Variants in WWOX observed in about 807,000 individuals in gnomAD.
WWOX encodes the protein WW domain-containing oxidoreductase.
A neutral mutation model predicts 46.2 loss-of-function variants in WWOX; 69 were observed. The observed-to-expected ratio is 1.49, with a 90% confidence interval of 1.23 to 1.82. The LOEUF is 1.82. Among genes scored for constraint, WWOX ranks in the 40% most tolerant of loss-of-function variants. The probability of loss-of-function intolerance (pLI) is 0.00; values close to 1 mark genes in which losing one functional copy is unlikely to be tolerated. For missense variants in WWOX, 919 were observed against 542.6 expected (o/e 1.69, Z -6.89); for synonymous variants, 359 against 202.6 (o/e 1.77, Z -6.56).
At chr16:78,807,459 C>A (rs547413223) in intron 8 of WWOX, among the ~76,000 whole-genome samples, 9 of 152,220 alleles carry the variant, frequency 5.9e-5, no homozygotes, top group African/African-American at 2.2e-4. Flanking sequence ...ATCATGAGGC[C>A]ATGTAAAAAA....
chr16:78,264,016 G>C (rs59586552), intron 5 of WWOX, among the ~76,000 whole-genome samples: 1 of 100,962 alleles, frequency 9.9e-6, no homozygotes, highest in Non-Finnish European at 1.9e-5. Flanking sequence ...TTTTTTTTTT[G>C]TTTTTTTGCT....
At chr16:78,610,202 G>A (rs564059614) in intron 8 of WWOX, among the ~76,000 whole-genome samples, 40 of 152,202 alleles carry the variant, frequency 2.6e-4, no homozygotes, top group African/African-American at 9.4e-4. Flanking sequence ...TACTTTGTGC[G>A]TTAATTCAGT....
intron 8 of WWOX, among the ~76,000 whole-genome samples, chr16:78,984,265 A>G (rs563177349): frequency 6.6e-6 from 1 of 152,146 alleles, no homozygotes; most frequent in African/African-American, 2.4e-5. Context: ...AGACTGCTAT[A>G]TGGCAGAGCT....
At position 79,002,498 on chromosome 16, in the gene WWOX, C is replaced by G. The variant is rs1050288661; in HGVS notation, c.1057-209110C>G. Among the ~76,000 whole-genome samples the G allele has an allele frequency of 3.9e-5, 6 of 152,160 alleles. No homozygotes were observed. In the East Asian group the frequency reaches 9.6e-4, roughly 24 times the overall value. ...TTGGCCTCCCAAAGTGCTGGGATTA[C>G]AGGTGTGAGCCACCGCACCCGGCCC... On this transcript the variant is annotated intron_variant, in intron 8 of 8. Transcript: ENST00000566780.
At chr16:78,301,896 G>A (rs761569724) in intron 5 of WWOX, among the ~76,000 whole-genome samples, 4 of 151,898 alleles carry the variant, frequency 2.6e-5, no homozygotes, top group East Asian at 1.9e-4. Flanking sequence ...ACAGAGTAAG[G>A]CCTCTTCTAC....
chr16:78,402,699 A>G (rs1377746673), intron 6 of WWOX, among the ~76,000 whole-genome samples: 1 of 152,196 alleles, frequency 6.6e-6, no homozygotes, highest in Non-Finnish European at 1.5e-5. Context: ...AAGGTGTTAC[A>G]TGACTCATTT....
chr16:78,397,822 G>A (rs1221641368), intron 6 of WWOX, among the ~76,000 whole-genome samples: 1 of 152,162 alleles, frequency 6.6e-6, no homozygotes, highest in African/African-American at 2.4e-5. Context: ...ACCGCTCCTG[G>A]CCTTTCAGCC....
At chr16:78,778,161 A>G (rs1290375784) in intron 8 of WWOX, among the ~76,000 whole-genome samples, 1 of 152,068 alleles carries the variant, frequency 6.6e-6, no homozygotes, top group Non-Finnish European at 1.5e-5. Context: ...CCCAAGTCAC[A>G]CAGTTAGCTT....
chr16:78,646,910 A>G (rs377132808), intron 8 of WWOX, among the ~76,000 whole-genome samples: 12 of 152,064 alleles, frequency 7.9e-5, no homozygotes, highest in African/African-American at 2.2e-4. Context: ...GTCTCACCCA[A>G]CTAGCTGAAG....
intron 5 of WWOX, among the ~76,000 whole-genome samples, chr16:78,261,407 AAAATAAAT>A (rs140119556): frequency 2.7e-5 from 4 of 146,060 alleles, no homozygotes; most frequent in East Asian, 2.0e-4. Flanking sequence ...CCTGTCTCTA[AAAATAAAT>A]AAATAAATAA....
At chr16:78,120,033 CTT>C (rs1487635008) in intron 4 of WWOX, among the ~76,000 whole-genome samples, 1 of 152,038 alleles carries the variant, frequency 6.6e-6, no homozygotes, top group South Asian at 2.1e-4. Context: ...AGAAACAAAA[CTT>C]TTTTTCCTGC....
intron 8 of WWOX, among the ~76,000 whole-genome samples, chr16:78,671,835 T>C (rs2047472566): frequency 6.6e-6 from 1 of 152,172 alleles, no homozygotes. Flanking sequence ...GATTGTAAAG[T>C]AGAAAAATAC....
rs889854179 is a variant in WWOX at position 79,176,842 on chromosome 16, T to A, written c.1057-34766T>A. Among the ~76,000 whole-genome samples, 9 of 152,292 alleles carry A rather than the reference T, an allele frequency of 5.9e-5. No homozygotes were observed. The Middle Eastern group carries it at 0.014, about 230-fold the overall frequency. The stretch of plus-strand genomic sequence containing the variant: ...TGGAAAAGAGTAATATAGTAATTCA[T>A]CTTTATTTGAAAAGTATATCATCAT... On this transcript the variant is annotated intron_variant, in intron 8 of 8. Coordinates refer to ENST00000566780, the MANE Select transcript of WWOX (RefSeq NM_016373.4).
At chr16:78,914,192 T>C (rs2045186208) in intron 8 of WWOX, among the ~76,000 whole-genome samples, 1 of 152,052 alleles carries the variant, frequency 6.6e-6, no homozygotes, top group African/African-American at 2.4e-5. Context: ...TATTTCTCTG[T>C]CTAGCACTTA....
chr16:78,422,501 C>T (rs117510357), intron 6 of WWOX, among the ~76,000 whole-genome samples: 206 of 150,430 alleles, frequency 1.4e-3, no homozygotes, highest in Non-Finnish European at 2.5e-3. Flanking sequence ...CACACCACCA[C>T]ACCTGGCTCA....
chr16:78,885,077 A>T (rs897410545), intron 8 of WWOX, among the ~76,000 whole-genome samples: 1 of 152,120 alleles, frequency 6.6e-6, no homozygotes. Context: ...TTCAGTGGTG[A>T]GAGTGTCACT....
At chr16:78,382,785 T>C (rs566307759) in intron 5 of WWOX, among the ~76,000 whole-genome samples, 4 of 152,256 alleles carry the variant, frequency 2.6e-5, no homozygotes, top group Non-Finnish European at 5.9e-5. Flanking sequence ...CATGATAAAA[T>C]GTCTTAGAAT....
At chr16:78,978,167 G>C (rs184896186) in intron 8 of WWOX, among the ~76,000 whole-genome samples, 1 of 152,168 alleles carries the variant, frequency 6.6e-6, no homozygotes, top group Non-Finnish European at 1.5e-5. Flanking sequence ...GCATGTATCA[G>C]TACTTCATTC....
chr16:78,330,959 G>C (rs989132525), intron 5 of WWOX, among the ~76,000 whole-genome samples: 1 of 152,168 alleles, frequency 6.6e-6, no homozygotes, highest in Admixed American at 6.5e-5. Flanking sequence ...AAATAATCTA[G>C]TCTTTTCTGG....
Sources: allele counts gnomAD v4.1 joint callset (sites outside exome capture counted in the v4.1 genomes callset), GRCh38; gene constraint gnomAD v4.1.1; transcripts MANE v1.5; gene names NCBI Gene and HGNC (gene_info 2026-07-23, HGNC 2026-07-21).